The following PTPRG variants were observed in gnomAD, a reference collection of about 807,000 sequenced individuals.
PTPRG encodes the protein protein tyrosine phosphatase receptor type G.
A neutral mutation model predicts 165.3 loss-of-function variants in PTPRG; 102 were observed. The ratio of observed to expected loss-of-function variants is 0.62; its 90% confidence interval spans 0.53 to 0.73. PTPRG has a LOEUF of 0.73. PTPRG is among the 30% of genes least tolerant of loss of function. The probability of loss-of-function intolerance (pLI) is 0.00; values close to 1 mark genes in which losing one functional copy is unlikely to be tolerated. For synonymous variants in PTPRG, 675 were observed against 669.5 expected (o/e 1.01, Z -0.13); for missense variants, 1,866 against 1,861.4 (o/e 1.00, Z -0.05).
intron 2 of PTPRG, among the ~76,000 whole-genome samples, chr3:61,818,497 G>C (rs2035855345): frequency 6.6e-6 from 1 of 152,182 alleles, no homozygotes; most frequent in South Asian, 2.1e-4. Context: ...CCTATAAAAT[G>C]TATAATGAAA....
chr3:61,897,033 A>G (rs1266733111), intron 2 of PTPRG, among the ~76,000 whole-genome samples: 1 of 150,522 alleles, frequency 6.6e-6, no homozygotes, highest in African/African-American at 2.5e-5. Context: ...TTGTGTGTTT[A>G]TCCTGTGTTA....
chr3:61,593,450 A>C (rs1006942900), intron 1 of PTPRG, among the ~76,000 whole-genome samples: 1 of 151,518 alleles, frequency 6.6e-6, no homozygotes, highest in East Asian at 1.9e-4. Context: ...TTTTCCTCAC[A>C]GTTAAAATAA....
intron 1 of PTPRG, among the ~76,000 whole-genome samples, chr3:61,673,417 C>G (rs1047826179): frequency 2.0e-5 from 3 of 152,124 alleles, no homozygotes; most frequent in Admixed American, 6.5e-5. Context: ...AAGTGGGGCT[C>G]TCATTGAGGT....
At chr3:61,659,477 G>T in intron 1 of PTPRG, 1 of 980,830 alleles carries the variant, frequency 1.0e-6, no homozygotes, top group Non-Finnish European at 1.2e-6. Context: ...TGACCAGGAA[G>T]GAGAGTCAGA....
intron 1 of PTPRG, among the ~76,000 whole-genome samples, chr3:61,681,667 T>C (rs1295057427): frequency 6.6e-6 from 1 of 152,106 alleles, no homozygotes; most frequent in African/African-American, 2.4e-5. Flanking sequence ...TTCTATAGGG[T>C]TTAGATGAGA....
chr3:61,618,328 T>A (rs1057426046), intron 1 of PTPRG, among the ~76,000 whole-genome samples: 1 of 152,188 alleles, frequency 6.6e-6, no homozygotes. Context: ...ATTAGTTAAG[T>A]CTCACAAGCT....
intron 1 of PTPRG, among the ~76,000 whole-genome samples, chr3:61,734,863 AG>A (rs892298758): frequency 2.8e-4 from 42 of 152,232 alleles, no homozygotes; most frequent in African/African-American, 5.1e-4. Context: ...AGATATTGAG[AG>A]GGGGGGAATA....
chr3:62,209,851 C>T (rs1332319415), intron 12 of PTPRG, among the ~76,000 whole-genome samples: 1 of 152,136 alleles, frequency 6.6e-6, no homozygotes, highest in Non-Finnish European at 1.5e-5. Context: ...CCACTAAGAA[C>T]AATTAGATTT....
rs1027753129 is a variant in PTPRG, at chr3:62,190,544, C to T, written c.1034-925C>T. Among the ~76,000 whole-genome samples the T allele has an allele frequency of 4.6e-5, 7 of 152,104 alleles. No individual in the cohort carries two copies. The highest frequency in any genetic ancestry group is 1.7e-4 in the African/African-American group (7 of 41,398). On this transcript the variant is annotated intron_variant, in intron 8 of 29. Transcript: ENST00000474889. This position sits in a 1 kb window ranked among gnomAD's most constrained non-coding sequence, Gnocchi z 5.2. ...GATCCACCGTGTCCCTTAAACCTCT[C>T]AGCCCCAAGGAATAAGAAGATGAAT...
intron 1 of PTPRG, among the ~76,000 whole-genome samples, chr3:61,718,007 C>CAACA (rs2031881051): frequency 6.6e-6 from 1 of 151,406 alleles, no homozygotes; most frequent in Non-Finnish European, 1.5e-5. Flanking sequence ...TGGTGAAACC[C>CAACA]TGTCTCTACT....
chr3:62,023,765 T>A (rs1160069492), intron 4 of PTPRG, among the ~76,000 whole-genome samples: 4 of 152,132 alleles, frequency 2.6e-5, no homozygotes, highest in Non-Finnish European at 5.9e-5. Context: ...CTACCTACTG[T>A]TTTGAGGTGA....
chr3:62,005,059 G>A (rs2041263527), intron 4 of PTPRG, among the ~76,000 whole-genome samples: 1 of 152,112 alleles, frequency 6.6e-6, no homozygotes, highest in Non-Finnish European at 1.5e-5. Flanking sequence ...TGCTTATATG[G>A]CCATGTATAT....
intron 5 of PTPRG, among the ~76,000 whole-genome samples, chr3:62,110,560 A>G (rs1431702262): frequency 1.3e-5 from 2 of 151,576 alleles, no homozygotes; most frequent in East Asian, 3.9e-4. Flanking sequence ...AAAAGGAATG[A>G]TACGCTCTAC....
At chr3:61,912,254 C>T (rs892785078) in intron 2 of PTPRG, among the ~76,000 whole-genome samples, 4 of 152,076 alleles carry the variant, frequency 2.6e-5, no homozygotes, top group African/African-American at 4.8e-5. Context: ...TGGCCCCTTA[C>T]CACTATTAAG....
intron 1 of PTPRG, among the ~76,000 whole-genome samples, chr3:61,696,480 C>T (rs576332584): frequency 2.6e-5 from 4 of 152,210 alleles, no homozygotes; most frequent in South Asian, 4.1e-4. Flanking sequence ...CCATCCTGGG[C>T]GACAAGAGTG....
chr3:61,580,321 C>T (rs375615315), intron 1 of PTPRG, among the ~76,000 whole-genome samples: 23 of 151,500 alleles, frequency 1.5e-4, no homozygotes, highest in African/African-American at 3.9e-4. Context: ...CTCAGATTTT[C>T]GACCGTGCAG....
intron 2 of PTPRG, among the ~76,000 whole-genome samples, chr3:61,774,495 A>G (rs576565758): frequency 6.6e-6 from 1 of 152,292 alleles, no homozygotes; most frequent in South Asian, 2.1e-4. Context: ...AGTGAGATCA[A>G]TTGCAGCCTA....
At chr3:62,003,654 A>C (rs1575875125) in intron 4 of PTPRG, among the ~76,000 whole-genome samples, 157 bp downstream of exon 4, 1 of 152,204 alleles carries the variant, frequency 6.6e-6, no homozygotes, top group African/African-American at 2.4e-5. Flanking sequence ...GCAGGTGGGT[A>C]TCCATCCTTG....
At chr3:61,680,851 G>A (rs1703417431) in intron 1 of PTPRG, among the ~76,000 whole-genome samples, 1 of 119,560 alleles carries the variant, frequency 8.4e-6, no homozygotes, top group African/African-American at 2.8e-5. Flanking sequence ...TAACTTGCTG[G>A]GTGTTGGGAA....
Sources: allele counts gnomAD v4.1 joint callset (sites outside exome capture counted in the v4.1 genomes callset), GRCh38; gene constraint gnomAD v4.1.1; non-coding constraint Gnocchi (gnomAD v3.1); transcripts MANE v1.5; gene names NCBI Gene and HGNC (gene_info 2026-07-23, HGNC 2026-07-21).